Variants in TRERF1 observed in about 807,000 individuals in gnomAD.
The protein encoded by TRERF1 is transcriptional-regulating factor 1.
A neutral mutation model predicts 122.9 loss-of-function variants in TRERF1; 27 were observed. That is an observed-to-expected ratio of 0.22 (90% CI 0.16 to 0.30). The LOEUF (loss-of-function observed/expected upper bound fraction) is 0.30, where lower values mean the gene tolerates loss of function less well. TRERF1 is among the 10% of genes least tolerant of loss of function. TRERF1 has a pLI of 1.00. For synonymous variants in TRERF1, 636 were observed against 641.7 expected (o/e 0.99, Z 0.13); for missense variants, 1,248 against 1,560.3 (o/e 0.80, Z 3.37).
At chr6:42,239,342 G>A (rs1773084952) in intron 15 of TRERF1, among the ~76,000 whole-genome samples, 1 of 152,274 alleles carries the variant, frequency 6.6e-6, no homozygotes, top group South Asian at 2.1e-4. Context: ...CGGGGAGCAT[G>A]AGCACAGGCA....
rs1414760786 is a variant in TRERF1, at chr6:42,268,200, A to G, written c.1391T>C (p.Met464Thr). ...AGACAGCTGCTGATGCTGAGGCCCCATGTTGTTGAGGTGGATCCCACTGGG... is the reference window on the plus strand; with the variant it reads ...AGACAGCTGCTGATGCTGAGGCCCCGTGTTGTTGAGGTGGATCCCACTGGG... The change falls in exon 5 of 18, where the codon ATG becomes ACG. Residue 464 changes from methionine to threonine, a missense_variant. Physicochemically the swap from Met to Thr is moderately conservative, Grantham distance 81 (BLOSUM62 -1). Transcript: ENST00000372922. This position sits in a 1 kb window ranked among gnomAD's most constrained non-coding sequence, Gnocchi z 4.4. 1.4e-6 allele frequency: 2 copies of G among 1,470,140 alleles called. No homozygotes were observed. The highest frequency in any genetic ancestry group is 2.8e-5 in the African/African-American group (2 of 70,802). The allele number at this position is 1,470,140 out of a possible 1,614,324, so 91.1% of individuals were successfully genotyped here.
At chr6:42,407,179 A>C (rs1780296720) in intron 2 of TRERF1, among the ~76,000 whole-genome samples, 1 of 152,146 alleles carries the variant, frequency 6.6e-6, no homozygotes, top group African/African-American at 2.4e-5. Context: ...AAAAGTTTCA[A>C]CTGCATGGTA....
chr6:42,276,489 C>T lies in TRERF1; in HGVS notation c.-258-6641G>A, dbSNP rs190437141. On this transcript the variant is annotated intron_variant, in intron 4 of 17. Transcript: ENST00000372922. This position sits in a 1 kb window ranked among gnomAD's most constrained non-coding sequence, Gnocchi z 4.3. Reference sequence around the variant, plus strand: ...GTCAAGGAAGCTTCACTCGACTCCCCTGGGGCTCCTCTTAGTCCAGCTCAC... The same window carrying T: ...GTCAAGGAAGCTTCACTCGACTCCCTTGGGGCTCCTCTTAGTCCAGCTCAC... 2.6e-5 allele frequency among the ~76,000 whole-genome samples: 4 copies of T among 152,314 alleles called. No individual in the cohort carries two copies. The East Asian group carries it at 7.7e-4, about 29-fold the overall frequency.
At chr6:42,348,437 G>A (rs1768759379) in intron 3 of TRERF1, among the ~76,000 whole-genome samples, 1 of 151,904 alleles carries the variant, frequency 6.6e-6, no homozygotes, top group Non-Finnish European at 1.5e-5. Flanking sequence ...ATTTTTAGTC[G>A]AGACGGAGTT....
At position 42,262,454 on chromosome 6, in the gene TRERF1, G is replaced by C. The variant is rs373952450; in HGVS notation, c.1884+866C>G. 7.5e-4 allele frequency among the ~76,000 whole-genome samples: 8 copies of C among 10,600 alleles called. 1 individual carries two copies. Among genetic ancestry groups the C allele is most frequent in the South Asian group, 4.8e-3 (1 of 210 alleles). 7.0% of individuals were successfully genotyped at this position (10,600 alleles called of 152,430 possible). A position where few individuals can be genotyped will look rare whatever the true frequency, so the allele number is the denominator to read the frequency against. Reference sequence around the variant, plus strand: ...AGGGGCAGAGAGAGAGAGAGAGAGAGAGAGAGAGAGAGGAGAGAGAGAGAG... The same window carrying C: ...AGGGGCAGAGAGAGAGAGAGAGAGACAGAGAGAGAGAGGAGAGAGAGAGAG... On this transcript the variant is annotated intron_variant, in intron 8 of 17. Coordinates refer to ENST00000372922, the Ensembl canonical transcript of TRERF1.
intron 4 of TRERF1, among the ~76,000 whole-genome samples, chr6:42,288,025 T>C (rs1256899401): frequency 1.3e-5 from 2 of 151,902 alleles, no homozygotes; most frequent in Non-Finnish European, 2.9e-5. Flanking sequence ...CAGCTCTTTT[T>C]CCCATTCTCC....
intron 3 of TRERF1, among the ~76,000 whole-genome samples, chr6:42,348,186 C>T (rs1010695183): frequency 4.7e-5 from 7 of 148,266 alleles, no homozygotes; most frequent in African/African-American, 1.8e-4. Flanking sequence ...TCTGTATAAA[C>T]ATACACACAC....
Position 42,259,263 on chromosome 6 carries a change from A to C in TRERF1, c.2269+76T>G. 1 of 1,443,828 alleles carries C rather than the reference A, an allele frequency of 6.9e-7. No individual in the cohort carries two copies. Among genetic ancestry groups the C allele is most frequent in the Non-Finnish European group, 9.1e-7 (1 of 1,104,364 alleles). 89.4% of individuals were successfully genotyped at this position (1,443,828 alleles called of 1,614,324 possible). ...GCAAAAGTCTGTGGGATAAATGAGA[A>C]AGCTAAAGAAAACGAGATGTCCCAG... On this transcript the variant is annotated intron_variant, in intron 9 of 17. Transcript: ENST00000372922. This position sits in a 1 kb window ranked among gnomAD's most constrained non-coding sequence, Gnocchi z 4.9.
intron 3 of TRERF1, among the ~76,000 whole-genome samples, chr6:42,351,870 T>C (rs1360672523): frequency 1.3e-5 from 2 of 152,038 alleles, no homozygotes; most frequent in African/African-American, 2.4e-5. Flanking sequence ...GAGCAACCAA[T>C]GGAAGGGGCC....
chr6:42,283,098 G>A (rs922644514), intron 4 of TRERF1, among the ~76,000 whole-genome samples: 3 of 152,086 alleles, frequency 2.0e-5, no homozygotes, highest in Non-Finnish European at 2.9e-5. Context: ...ATTACACTTG[G>A]AGGCCATTTC....
intron 2 of TRERF1, among the ~76,000 whole-genome samples, chr6:42,438,141 C>T (rs9471863): frequency 0.23 from 33,976 of 150,474 alleles, 4,159 homozygotes; most frequent in African/African-American, 0.33. Flanking sequence ...AGGCTGGTCT[C>T]GAACTCCTGA....
chr6:42,247,420 C>T (rs1774997483), intron 13 of TRERF1, among the ~76,000 whole-genome samples: 1 of 152,200 alleles, frequency 6.6e-6, no homozygotes, highest in Non-Finnish European at 1.5e-5. Context: ...GTTCTACTAA[C>T]AATCCTGTAA....
At chr6:42,405,746 G>A (rs1229130421) in intron 2 of TRERF1, among the ~76,000 whole-genome samples, 2 of 149,144 alleles carry the variant, frequency 1.3e-5, no homozygotes, top group African/African-American at 2.5e-5. Context: ...AGTGAGTTGC[G>A]ATCACACCAT....
intron 4 of TRERF1, among the ~76,000 whole-genome samples, chr6:42,277,965 A>AGAAGAC (rs1457355101): frequency 6.8e-6 from 1 of 146,632 alleles, no homozygotes; most frequent in African/African-American, 2.6e-5. Flanking sequence ...AAGAAGAAGA[A>AGAAGAC]GAAGAAGAAG....
chr6:42,441,176 A>G (rs187244601), intron 2 of TRERF1, among the ~76,000 whole-genome samples: 2 of 152,322 alleles, frequency 1.3e-5, no homozygotes, highest in East Asian at 1.9e-4. Flanking sequence ...TAATCAAAAC[A>G]GAAAGAAAAA....
At chr6:42,318,338 C>T (rs991308425) in intron 3 of TRERF1, among the ~76,000 whole-genome samples, 24 of 152,208 alleles carry the variant, frequency 1.6e-4, no homozygotes, top group African/African-American at 5.8e-4. Flanking sequence ...GAGTGCCAGG[C>T]ACTCTACCCC....
chr6:42,389,224 C>T (rs368263934), intron 2 of TRERF1, among the ~76,000 whole-genome samples: 3 of 152,196 alleles, frequency 2.0e-5, no homozygotes, highest in Non-Finnish European at 4.4e-5. Flanking sequence ...AGGCAAGAAG[C>T]GAGGTACCTC....
chr6:42,313,455 A>G (rs28491182), intron 3 of TRERF1, among the ~76,000 whole-genome samples: 1 of 152,028 alleles, frequency 6.6e-6, no homozygotes. Flanking sequence ...CTTTCCTTGG[A>G]GCGATTACAT....
Position 42,228,720 on chromosome 6 carries a change from C to A in TRERF1, c.3279-51G>T. ...TAGAATTTAGAAGGAGATCTGAGTT[C>A]TTGGAAATCCAGGTGTCCTACGGGG... On this transcript the variant is annotated intron_variant, in intron 17 of 17. Transcript: ENST00000372922. This position sits in a 1 kb window ranked among gnomAD's most constrained non-coding sequence, Gnocchi z 4.2. 2 of 1,521,812 alleles carry A rather than the reference C, an allele frequency of 1.3e-6. No individual in the cohort carries two copies. The highest frequency in any genetic ancestry group is 2.3e-5 in the East Asian group (1 of 44,184). 94.3% of individuals were successfully genotyped at this position (1,521,812 alleles called of 1,614,324 possible).
Sources: gnomAD v4.1 joint callset for allele counts (sites outside exome capture counted in the v4.1 genomes callset) on GRCh38, gnomAD v4.1.1 for gene constraint, Gnocchi (gnomAD v3.1) non-coding constraint, MANE v1.5 for transcripts, NCBI Gene and HGNC (gene_info 2026-07-23, HGNC 2026-07-21) for gene names.